Variants in TAOK3 observed in about 807,000 individuals in gnomAD.
TAOK3 encodes TAO kinase 3, also known as serine/threonine-protein kinase TAO3.
TAOK3 carries 40 observed loss-of-function variants against 120.4 expected under a neutral mutation model. The observed-to-expected ratio is 0.33, with a 90% CI of 0.26 to 0.43. The LOEUF is 0.43. Among genes scored for constraint, TAOK3 ranks in the 20% least tolerant of loss-of-function variants. The pLI, the probability that TAOK3 is intolerant of heterozygous loss-of-function variation, is 1.00. For missense variants in TAOK3, 821 were observed against 1,112.1 expected (o/e 0.74, Z 3.72); for synonymous variants, 355 against 387.5 (o/e 0.92, Z 0.99).
chr12:118,242,858 C>CCAAA (rs56963963), intron 5 of TAOK3, among the ~76,000 whole-genome samples: 2,669 of 150,804 alleles, frequency 0.018, 22 homozygotes, highest in Middle Eastern at 0.051. Context: ...GAATCTGTCT[C>CCAAA]CAAACAAACA....
At chr12:118,193,119 C>T (rs756514535) in intron 13 of TAOK3, among the ~76,000 whole-genome samples, 5 of 129,204 alleles carry the variant, frequency 3.9e-5, no homozygotes, top group East Asian at 2.4e-4. Flanking sequence ...GGCACTATCT[C>T]GGCTCACTGC....
chr12:118,324,936 C>T (rs1012729894), intron 1 of TAOK3, among the ~76,000 whole-genome samples: 3 of 151,698 alleles, frequency 2.0e-5, no homozygotes, highest in South Asian at 4.2e-4. Flanking sequence ...TTAGTAGAGA[C>T]GGGGTTTCAC....
At chr12:118,361,604 T>C (rs934940813) in intron 1 of TAOK3, among the ~76,000 whole-genome samples, 5 of 151,908 alleles carry the variant, frequency 3.3e-5, no homozygotes, top group Non-Finnish European at 7.4e-5. Flanking sequence ...ATTACAGGCA[T>C]GCACCACCAC....
chr12:118,279,094 A>G (rs866557577), intron 1 of TAOK3, among the ~76,000 whole-genome samples: 2 of 152,152 alleles, frequency 1.3e-5, no homozygotes, highest in South Asian at 2.1e-4. Context: ...CTAGGATTAC[A>G]GGTGTGAGCC....
intron 14 of TAOK3, among the ~76,000 whole-genome samples, chr12:118,189,535 GACAC>G (rs869285530): frequency 0.043 from 5,711 of 132,180 alleles, 237 homozygotes; most frequent in East Asian, 0.19. Flanking sequence ...CACAGACACA[GACAC>G]ACACACACAC....
At position 118,266,744 on chromosome 12, in the gene TAOK3, G is replaced by T. The variant is rs1193099021; in HGVS notation, c.-178C>A. The T allele has an allele frequency of 5.0e-6, 2 of 397,314 alleles. No individual in the cohort carries two copies. Among genetic ancestry groups the T allele is most frequent in the Non-Finnish European group, 8.9e-6 (2 of 225,476 alleles). The allele number at this position is 397,314 out of a possible 1,614,324, so 24.6% of individuals were successfully genotyped here. ...TTCTCTTTTATAACTTCAGTCCTTT[G>T]TATTTATGATGCAACCTATAGAAAA... On this transcript the variant is annotated 5_prime_UTR_variant, in exon 2 of 21. Coordinates refer to ENST00000392533, the MANE Select transcript of TAOK3 (RefSeq NM_016281.4).
chr12:118,355,500 C>T (rs1006962859), intron 1 of TAOK3, among the ~76,000 whole-genome samples: 1 of 152,180 alleles, frequency 6.6e-6, no homozygotes, highest in African/African-American at 2.4e-5. Context: ...AATCTACAGT[C>T]GATCCCTGTC....
intron 10 of TAOK3, among the ~76,000 whole-genome samples, chr12:118,213,235 T>A (rs1428660716): frequency 1.3e-5 from 2 of 152,152 alleles, no homozygotes; most frequent in Non-Finnish European, 2.9e-5. Flanking sequence ...ATAAGGAAGG[T>A]CAAATCATAA....
rs374287867 is a variant in TAOK3, at chr12:118,161,753, T to A, written c.2139+35A>T. The A allele has an allele frequency of 1.5e-5, 24 of 1,607,916 alleles. No homozygotes were observed. In the African/African-American group the frequency reaches 1.6e-4, roughly 11 times the overall value. ...ACACTTCAGGTAGAGAAACCACTGATCTGGTCCAACACTGTCCAGCAGCAC... is the reference window on the plus strand; with the variant it reads ...ACACTTCAGGTAGAGAAACCACTGAACTGGTCCAACACTGTCCAGCAGCAC... On this transcript the variant is annotated intron_variant, in intron 18 of 20. Coordinates refer to ENST00000392533, the MANE Select transcript of TAOK3 (RefSeq NM_016281.4). This position sits in a 1 kb window ranked among gnomAD's most constrained non-coding sequence, Gnocchi z 4.5.
rs1455587789 is a variant in TAOK3, at chr12:118,281,009, C to CAT, written c.-193-14252_-193-14251dup. Among the ~76,000 whole-genome samples the CAT allele has an allele frequency of 3.3e-5, 5 of 152,168 alleles. No homozygotes were observed. In the East Asian group the frequency reaches 9.7e-4, roughly 29 times the overall value. ...TTTGGCTCTTGGCTTGGACGCTCTT[C>CAT]ATATATAGGAATGCTACTGATTTTT... On this transcript the variant is annotated intron_variant, in intron 1 of 20. Coordinates refer to ENST00000392533, the MANE Select transcript of TAOK3 (RefSeq NM_016281.4).
intron 1 of TAOK3, among the ~76,000 whole-genome samples, chr12:118,301,886 G>C (rs1395688577): frequency 6.6e-6 from 1 of 151,202 alleles, no homozygotes; most frequent in Non-Finnish European, 1.5e-5. Context: ...AGCACAATAA[G>C]GGTTAAGTAC....
chr12:118,234,372 G>A (rs2039930559), intron 8 of TAOK3, among the ~76,000 whole-genome samples: 1 of 151,672 alleles, frequency 6.6e-6, no homozygotes, highest in Admixed American at 6.6e-5. Context: ...GGGACTACAA[G>A]TAGCTGGGAC....
At chr12:118,311,525 T>C (rs1452562676) in intron 1 of TAOK3, among the ~76,000 whole-genome samples, 2 of 152,140 alleles carry the variant, frequency 1.3e-5, no homozygotes, top group African/African-American at 4.8e-5. Context: ...CACCATGAGA[T>C]AGGGAAAACT....
intron 1 of TAOK3, among the ~76,000 whole-genome samples, chr12:118,318,773 A>C (rs1159046935): frequency 6.6e-6 from 1 of 152,228 alleles, no homozygotes; most frequent in African/African-American, 2.4e-5. Flanking sequence ...AGAGATATGT[A>C]CTTTTCATGT....
At chr12:118,218,452 T>C (rs1233170226) in intron 9 of TAOK3, among the ~76,000 whole-genome samples, 2 of 152,166 alleles carry the variant, frequency 1.3e-5, no homozygotes, top group Non-Finnish European at 2.9e-5. Flanking sequence ...AGTATTTGCA[T>C]GTAACCTGCA....
At chr12:118,230,468 T>G (rs910781435) in intron 9 of TAOK3, among the ~76,000 whole-genome samples, 1 of 123,018 alleles carries the variant, frequency 8.1e-6, no homozygotes, top group Admixed American at 8.1e-5. Context: ...GTGTTTTTTT[T>G]TTTTTTTTTT....
intron 9 of TAOK3, among the ~76,000 whole-genome samples, chr12:118,215,469 G>A (rs1483000805): frequency 1.3e-5 from 2 of 151,742 alleles, no homozygotes; most frequent in Non-Finnish European, 2.9e-5. Flanking sequence ...CCAAGATCGC[G>A]CCACTGTACC....
chr12:118,258,741 T>C (rs939408237), intron 2 of TAOK3, among the ~76,000 whole-genome samples: 5 of 151,908 alleles, frequency 3.3e-5, no homozygotes, highest in Non-Finnish European at 5.9e-5. Context: ...AAAAAGCATT[T>C]TGATTTTATT....
chr12:118,258,713 T>TAA (rs577331732), intron 2 of TAOK3, among the ~76,000 whole-genome samples: 31 of 130,636 alleles, frequency 2.4e-4, no homozygotes, highest in East Asian at 1.1e-3. Flanking sequence ...GACTCTGTCA[T>TAA]AAAAAAAAAA....
Sources: allele counts gnomAD v4.1 joint callset (sites outside exome capture counted in the v4.1 genomes callset), GRCh38; gene constraint gnomAD v4.1.1; non-coding constraint Gnocchi (gnomAD v3.1); transcripts MANE v1.5; gene names NCBI Gene and HGNC (gene_info 2026-07-23, HGNC 2026-07-21).